ARFGEF3: variants seen among roughly 807,000 people sequenced by gnomAD.
The protein encoded by ARFGEF3 is ARFGEF family member 3.
ARFGEF3 carries 96 observed loss-of-function variants against 221.7 expected under a neutral mutation model. The ratio of observed to expected loss-of-function variants is 0.43; its 90% CI spans 0.37 to 0.51. The LOEUF (loss-of-function observed/expected upper bound fraction) is 0.51, where lower values mean the gene tolerates loss of function less well. Ranked by LOEUF, ARFGEF3 falls within the 20% of genes least tolerant of loss-of-function variation. The pLI is 0.00. For synonymous variants in ARFGEF3, 1,145 were observed against 1,126.8 expected, an observed-to-expected ratio of 1.02 and a Z score of -0.32; for missense variants, 2,410 against 2,789.9, an observed-to-expected ratio of 0.86 and a Z score of 3.07.
At chr6:138,212,233 A>G (rs1288103042) in intron 4 of ARFGEF3, among the ~76,000 whole-genome samples, 1 of 152,230 alleles carries the variant, frequency 6.6e-6, no homozygotes, top group Non-Finnish European at 1.5e-5. Flanking sequence ...TACATTTTTC[A>G]AGAATATATT....
At chr6:138,215,541 G>C (rs1461186514) in intron 4 of ARFGEF3, among the ~76,000 whole-genome samples, 1 of 152,162 alleles carries the variant, frequency 6.6e-6, no homozygotes, top group Non-Finnish European at 1.5e-5. Flanking sequence ...CTAGTGAAAT[G>C]ACCAGGGCAG....
chr6:138,236,158 G>A, intron 5 of ARFGEF3, among the ~76,000 whole-genome samples: 1 of 152,166 alleles, frequency 6.6e-6, no homozygotes, highest in South Asian at 2.1e-4. Context: ...TTGCATAGTG[G>A]TATGTTTCTC....
intron 2 of ARFGEF3, among the ~76,000 whole-genome samples, chr6:138,189,314 A>G (rs1777249390): frequency 6.6e-6 from 1 of 152,254 alleles, no homozygotes; most frequent in Non-Finnish European, 1.5e-5. Context: ...AAACATAAGT[A>G]TTGACACATC....
chr6:138,311,411 G>T lies in ARFGEF3; in HGVS notation c.4101G>T (p.Glu1367Asp), dbSNP rs780434790. 1 of 1,603,314 alleles carries T rather than the reference G, an allele frequency of 6.2e-7. No individual in the cohort carries two copies. The highest frequency in any genetic ancestry group is 8.5e-7 in the Non-Finnish European group (1 of 1,174,938). The change falls in exon 25 of 34, where the codon GAG becomes GAT. Residue 1367 changes from glutamate (E) to aspartate (D), a missense_variant. This residue lies in a region of ARFGEF3 where 723 missense variants were observed against 991.9 expected (regional missense o/e 0.73). Coordinates refer to ENST00000251691, the MANE Select transcript of ARFGEF3 (RefSeq NM_020340.5). ...CLMKFVKGLG[E>D]VDCKEIGDCA... ...TGTCTCCCGTGCCGCCCCTAGGGGA[G>T]GTGGACTGTAAAGAGATTGGAGACT...
At chr6:138,232,698 T>G (rs905391026) in intron 5 of ARFGEF3, among the ~76,000 whole-genome samples, 2 of 152,270 alleles carry the variant, frequency 1.3e-5, no homozygotes, top group South Asian at 2.1e-4. Flanking sequence ...ATTCCTTCCA[T>G]CCAGCCAGCC....
At chr6:138,228,924 A>C (rs1583022724) in intron 4 of ARFGEF3, among the ~76,000 whole-genome samples, 2 of 152,266 alleles carry the variant, frequency 1.3e-5, no homozygotes, top group East Asian at 3.8e-4. Context: ...GTCAGAGCTA[A>C]GTGAAGAGGG....
At chr6:138,165,228 A>T (rs1026283743) in intron 1 of ARFGEF3, among the ~76,000 whole-genome samples, 56 of 151,268 alleles carry the variant, frequency 3.7e-4, no homozygotes, top group African/African-American at 1.3e-3. Flanking sequence ...CCCCACTTAG[A>T]CCCTCATGGG....
At chr6:138,167,355 G>A (rs573262637) in intron 1 of ARFGEF3, among the ~76,000 whole-genome samples, 8 of 152,144 alleles carry the variant, frequency 5.3e-5, no homozygotes, top group East Asian at 3.9e-4. Context: ...ATCACTAGTC[G>A]ACACCAGTGC....
chr6:138,311,321 A>T, intron 24 of ARFGEF3, 86 bp from the exon 25 acceptor site: 1 of 746,990 alleles, frequency 1.3e-6, no homozygotes, highest in Non-Finnish European at 2.3e-6. Context: ...TTGGTGTACT[A>T]GTGCTATGTG....
chr6:138,189,294 A>G (rs1281558538), intron 2 of ARFGEF3, among the ~76,000 whole-genome samples: 2 of 152,234 alleles, frequency 1.3e-5, no homozygotes, highest in Admixed American at 1.3e-4. Flanking sequence ...AGAAAATTCA[A>G]AAGCCTAGGA....
rs1780296833 is a variant in ARFGEF3 at position 138,335,011 on chromosome 6, T to C, written c.6165T>C (p.Gly2055=). 3 of 1,588,934 alleles carry C rather than the reference T, an allele frequency of 1.9e-6. No individual in the cohort carries two copies. The highest frequency in any genetic ancestry group is 2.6e-6 in the Non-Finnish European group (3 of 1,168,504). The part of the protein sequence containing the change: ...VKVEKKGEPL[G]PRGQDSPLLQ... The stretch of plus-strand genomic sequence containing the variant: ...TGGAGAAGAAAGGAGAGCCACTGGG[T>C]CCCAGGGGCCAGGACTCCCCGCTGC... The change falls in exon 33 of 34, where the codon GGT becomes GGC. Residue 2055 remains glycine, a synonymous_variant. Transcript: ENST00000251691.
intron 31 of ARFGEF3, among the ~76,000 whole-genome samples, chr6:138,325,449 T>C (rs2114686416): frequency 6.6e-6 from 1 of 152,342 alleles, no homozygotes. Context: ...GACTTCATGA[T>C]TCTGCTGGTT....
intron 4 of ARFGEF3, 141 bp downstream of exon 4, chr6:138,210,182 C>T: frequency 2.6e-6 from 2 of 777,162 alleles, no homozygotes; most frequent in Non-Finnish European, 4.0e-6. Context: ...TATTCTTGCT[C>T]ATGGTCCCCC....
chr6:138,306,972 GAAAAT>G (rs1779739199), intron 22 of ARFGEF3, among the ~76,000 whole-genome samples: 1 of 126,306 alleles, frequency 7.9e-6, no homozygotes, highest in African/African-American at 3.0e-5. Context: ...AAAAAAAAAA[GAAAAT>G]AACAAGAAGA....
chr6:138,285,989 G>T lies in ARFGEF3; in HGVS notation c.2505G>T (p.Met835Ile). The stretch of plus-strand genomic sequence containing the variant: ...GCAGTGCCATTGGTGGCCAGCTGAT[G>T]GCCTCGGCTGCTACAGAGTCTCCTT... ...LESSAIGGQLMASAATESPFA... is the reference protein window; with the variant it reads ...LESSAIGGQLIASAATESPFA... Residue 835 changes from methionine to isoleucine, a missense_variant, in exon 15 of 34, where the codon ATG (methionine) becomes ATT (isoleucine). By Grantham distance (10) the Met-to-Ile change is conservative. Transcript: ENST00000251691. 1 of 1,611,490 alleles carries T rather than the reference G, an allele frequency of 6.2e-7. No homozygotes were observed.
intron 22 of ARFGEF3, among the ~76,000 whole-genome samples, chr6:138,306,352 T>C (rs1418429443): frequency 6.6e-6 from 1 of 152,190 alleles, no homozygotes; most frequent in African/African-American, 2.4e-5. Flanking sequence ...ATTCATGGAT[T>C]GAAAGACTCA....
In ARFGEF3 at chr6:138,321,111, A is replaced by G; in HGVS notation, c.4652A>G (p.Asp1551Gly). Reference protein sequence around the residue: ...VEHIQSFLHSDIRYESMINTM... With the variant: ...VEHIQSFLHSGIRYESMINTM... ...ACTGTGATTTTGCTGTTTCCCATAG[A>G]TATCAGGTACGAGAGCATGATCAAT... The change falls in exon 29 of 34, where the codon GAT (aspartate) becomes GGT (glycine). Residue 1551 changes from aspartate (D) to glycine (G), a missense_variant and splice_region_variant. Physicochemically the swap from Asp to Gly is moderately conservative, Grantham distance 94. Coordinates refer to ENST00000251691, the MANE Select transcript of ARFGEF3 (RefSeq NM_020340.5). 6 of 1,544,126 alleles carry G rather than the reference A, an allele frequency of 3.9e-6. No homozygotes were observed. The highest frequency in any genetic ancestry group is 1.2e-5 in the South Asian group (1 of 83,974).
chr6:138,229,870 C>A lies in ARFGEF3; in HGVS notation c.420+18C>A. On this transcript the variant is annotated intron_variant, in intron 5 of 33. Transcript: ENST00000251691. ...TCGCGGAGGTGAGTACTGCTTGTGT[C>A]TGTGCCTCCTGTTCACAGCTGCTTT... 1 of 1,604,432 alleles carries A rather than the reference C, an allele frequency of 6.2e-7. No individual in the cohort carries two copies. Among genetic ancestry groups the A allele is most frequent in the Non-Finnish European group, 8.5e-7 (1 of 1,171,424 alleles).
At chr6:138,252,552 T>C (rs1195241716) in intron 8 of ARFGEF3, among the ~76,000 whole-genome samples, 1 of 152,204 alleles carries the variant, frequency 6.6e-6, no homozygotes, top group South Asian at 2.1e-4. Flanking sequence ...ACTGTTAACT[T>C]TTCTTTACTT....
Sources: allele counts gnomAD v4.1 joint callset (sites outside exome capture counted in the v4.1 genomes callset), GRCh38; gene constraint gnomAD v4.1.1; regional missense constraint gnomAD v4.1.1; transcripts MANE v1.5; gene names NCBI Gene and HGNC (gene_info 2026-07-23, HGNC 2026-07-21).